Variants in NAALADL2 observed in about 807,000 individuals in gnomAD.
NAALADL2 encodes the protein N-acetylated alpha-linked acidic dipeptidase like 2, also known as inactive N-acetylated-alpha-linked acidic dipeptidase-like protein 2.
In NAALADL2, 76 loss-of-function variants were observed where a neutral mutation model predicts 87.2. That is an observed-to-expected ratio of 0.87 (90% confidence interval 0.72 to 1.05). NAALADL2 has a LOEUF of 1.05. Ranked by LOEUF, NAALADL2 falls within the 50% of genes least tolerant of loss-of-function variation. NAALADL2 has a pLI of 0.00. For missense variants in NAALADL2, 1,089 were observed against 945.8 expected (o/e 1.15, Z -1.99); for synonymous variants, 354 against 331.0 (o/e 1.07, Z -0.75).
At chr3:175,334,633 G>A (rs1362312053) in intron 5 of NAALADL2, among the ~76,000 whole-genome samples, 1 of 147,356 alleles carries the variant, frequency 6.8e-6, no homozygotes, top group African/African-American at 2.5e-5. Context: ...TACTTTGTTG[G>A]AGTTTTTTTC....
chr3:175,075,571 G>A (rs1716434616), intron 1 of NAALADL2, among the ~76,000 whole-genome samples: 1 of 152,120 alleles, frequency 6.6e-6, no homozygotes, highest in South Asian at 2.1e-4. Context: ...TTCCAAGCCA[G>A]TGGTGGCCAT....
At chr3:175,408,327 A>G (rs1712816063) in intron 5 of NAALADL2, among the ~76,000 whole-genome samples, 1 of 152,118 alleles carries the variant, frequency 6.6e-6, no homozygotes, top group Non-Finnish European at 1.5e-5. Flanking sequence ...TATGTTAATT[A>G]GCTTGATTTA....
At chr3:174,819,412 T>C (rs184526201) in intron 3 of NAALADL2, among the ~76,000 whole-genome samples, 25 of 152,188 alleles carry the variant, frequency 1.6e-4, no homozygotes, top group South Asian at 1.5e-3. Flanking sequence ...ATTTAAAATT[T>C]TTATAAACAA....
chr3:174,919,428 G>C (rs1734845040), intron 1 of NAALADL2, among the ~76,000 whole-genome samples: 1 of 152,012 alleles, frequency 6.6e-6, no homozygotes, highest in African/African-American at 2.4e-5. Flanking sequence ...ACTTCACCAG[G>C]AGCACATGCC....
intron 1 of NAALADL2, among the ~76,000 whole-genome samples, chr3:174,940,784 T>C (rs945090221): frequency 9.2e-5 from 14 of 152,180 alleles, no homozygotes; most frequent in African/African-American, 2.9e-4. Flanking sequence ...TCTTCTAGGT[T>C]GACTAGTTTG....
intron 4 of NAALADL2, among the ~76,000 whole-genome samples, chr3:175,311,114 C>A (rs1228389334): frequency 6.6e-6 from 1 of 152,034 alleles, no homozygotes; most frequent in Non-Finnish European, 1.5e-5. Context: ...AGCACCTTAA[C>A]TGTGCCACTG....
At chr3:175,236,048 C>A (rs1745787329) in intron 3 of NAALADL2, among the ~76,000 whole-genome samples, 1 of 152,170 alleles carries the variant, frequency 6.6e-6, no homozygotes, top group Non-Finnish European at 1.5e-5. Flanking sequence ...TATCCTATCA[C>A]TGTGCAGCTT....
In NAALADL2 at chr3:175,324,033, A is replaced by AC. The variant is rs1334556803; in HGVS notation, c.940-142_940-141insC. ...ACTCCATCTCAAAAAACAAACAAAA[A>AC]AAAAAAAAAAGAAAAAGAAAAAGAA... On this transcript the variant is annotated intron_variant, in intron 4 of 13. Coordinates refer to ENST00000454872, the MANE Select transcript of NAALADL2 (RefSeq NM_207015.3). 4,654 of 617,650 alleles carry AC rather than the reference A, an allele frequency of 7.5e-3. 194 individuals are homozygous for AC. In the African/African-American group the frequency reaches 0.089, roughly 12 times the overall value. 38.3% of individuals were successfully genotyped at this position (617,650 alleles called of 1,614,324 possible).
chr3:175,509,780 G>A (rs1730877214), intron 9 of NAALADL2, among the ~76,000 whole-genome samples: 1 of 152,108 alleles, frequency 6.6e-6, no homozygotes, highest in South Asian at 2.1e-4. Flanking sequence ...GCAGAGCTGG[G>A]GAGTCCTCAG....
intron 4 of NAALADL2, among the ~76,000 whole-genome samples, chr3:175,293,161 A>G (rs952171694): frequency 3.9e-5 from 6 of 151,970 alleles, no homozygotes; most frequent in Non-Finnish European, 5.9e-5. Flanking sequence ...CCTAACTCCA[A>G]CTAATTATCT....
In NAALADL2 at chr3:175,087,618, G is replaced by T. The variant is rs539727074; in HGVS notation, c.44-9172G>T. On this transcript the variant is annotated intron_variant, in intron 1 of 13. Coordinates refer to ENST00000454872, the MANE Select transcript of NAALADL2 (RefSeq NM_207015.3). ...AATCTATAACCTTACTCCCAACCCC[G>T]TGCTCTCTGAAACATGTGCTGTGTC... is the stretch of plus-strand genomic sequence containing the variant. Among the ~76,000 whole-genome samples the T allele has an allele frequency of 5.3e-5, 8 of 152,156 alleles. 1 individual carries two copies. The highest frequency in any genetic ancestry group is 1.9e-4 in the East Asian group (1 of 5,184).
chr3:175,127,384 C>CA (rs1421515391), intron 2 of NAALADL2, among the ~76,000 whole-genome samples: 1 of 152,034 alleles, frequency 6.6e-6, no homozygotes, highest in Non-Finnish European at 1.5e-5. Flanking sequence ...GTTTACATAG[C>CA]AAGTCTATGA....
chr3:175,107,537 C>T (rs1042717247), intron 2 of NAALADL2, among the ~76,000 whole-genome samples: 2 of 150,440 alleles, frequency 1.3e-5, no homozygotes, highest in Admixed American at 1.3e-4. Context: ...CACACACAAA[C>T]ACACACACAC....
intron 5 of NAALADL2, among the ~76,000 whole-genome samples, chr3:175,367,740 T>G (rs980213896): frequency 2.0e-5 from 3 of 152,192 alleles, no homozygotes; most frequent in African/African-American, 7.2e-5. Context: ...GCTTATCAGC[T>G]TAAGGAGATT....
chr3:175,532,000 G>A (rs181921356), intron 9 of NAALADL2, among the ~76,000 whole-genome samples: 1 of 152,284 alleles, frequency 6.6e-6, no homozygotes, highest in East Asian at 1.9e-4. Flanking sequence ...CAGCTCTAAA[G>A]GCTTCCATTC....
intron 9 of NAALADL2, among the ~76,000 whole-genome samples, chr3:175,486,239 G>C (rs960598961): frequency 6.6e-6 from 1 of 152,100 alleles, no homozygotes; most frequent in Non-Finnish European, 1.5e-5. Flanking sequence ...AGTCAAAAGG[G>C]AATAACATAT....
At chr3:175,136,168 A>T (rs150305509) in intron 2 of NAALADL2, among the ~76,000 whole-genome samples, 2 of 152,320 alleles carry the variant, frequency 1.3e-5, no homozygotes, top group Non-Finnish European at 2.9e-5. Context: ...GAAGGAGCCA[A>T]TGATGAAGGA....
At chr3:174,874,579 G>A (rs561148600) in intron 1 of NAALADL2, among the ~76,000 whole-genome samples, 34 of 152,102 alleles carry the variant, frequency 2.2e-4, no homozygotes, top group Non-Finnish European at 4.6e-4. Context: ...GGGCTCTAGG[G>A]TGTGAGGGCA....
chr3:175,506,491 G>A (rs1054091263), intron 9 of NAALADL2, among the ~76,000 whole-genome samples: 1 of 152,144 alleles, frequency 6.6e-6, no homozygotes, highest in Non-Finnish European at 1.5e-5. Context: ...CCTTTTGGAA[G>A]CATATACACT....
Sources: allele counts gnomAD v4.1 joint callset (sites outside exome capture counted in the v4.1 genomes callset), GRCh38; gene constraint gnomAD v4.1.1; transcripts MANE v1.5; gene names NCBI Gene and HGNC (gene_info 2026-07-23, HGNC 2026-07-21).